The following CLUAP1 variants were observed in gnomAD, a reference collection of about 807,000 sequenced individuals.
CLUAP1 encodes the protein intraflagellar transport 38.
A neutral mutation model predicts 55.0 loss-of-function variants in CLUAP1; 50 were observed. That is an observed-to-expected ratio of 0.91 (90% CI 0.72 to 1.15). CLUAP1 has a LOEUF of 1.15. Among genes scored for constraint, CLUAP1 ranks in the 50% most tolerant of loss-of-function variants. The probability of loss-of-function intolerance (pLI) is 0.00; values close to 1 mark genes in which losing one functional copy is unlikely to be tolerated. For synonymous variants in CLUAP1, 195 were observed against 175.4 expected, an observed-to-expected ratio of 1.11 and a Z score of -0.88; for missense variants, 530 against 507.6, an observed-to-expected ratio of 1.04 and a Z score of -0.42.
At chr16:3,510,315 T>C (rs1447383362) in intron 4 of CLUAP1, among the ~76,000 whole-genome samples, 1 of 149,994 alleles carries the variant, frequency 6.7e-6, no homozygotes, top group African/African-American at 2.5e-5. Context: ...TTTTTTTTTT[T>C]AGCAGAGATG....
In CLUAP1 at chr16:3,538,749, GT is replaced by G. The variant is rs1421920290; in HGVS notation, c.*2479del. 1 of 152,188 alleles carries G rather than the reference GT, an allele frequency of 6.6e-6. No homozygotes were observed. The highest frequency in any genetic ancestry group is 1.5e-5 in the Non-Finnish European group (1 of 68,036). 9.4% of individuals were successfully genotyped at this position (152,188 alleles called of 1,614,324 possible). On this transcript the variant is annotated 3_prime_UTR_variant, in exon 12 of 12. Transcript: ENST00000576634. ...GCCTTGCTTGAGCACGGAAGTTTCTGTCAACAGCAAGCTTTATGTGCTCTAT... is the reference window on the plus strand; with the variant it reads ...GCCTTGCTTGAGCACGGAAGTTTCTGCAACAGCAAGCTTTATGTGCTCTAT...
chr16:3,509,326 C>A (rs1335342032), intron 4 of CLUAP1, among the ~76,000 whole-genome samples: 1 of 152,184 alleles, frequency 6.6e-6, no homozygotes, highest in Admixed American at 6.5e-5. Context: ...GATTGACAGA[C>A]CCTCTGGCGC....
At chr16:3,496,566 T>C, upstream of CLUAP1, 1 of 542,198 alleles carries the variant, frequency 1.8e-6, no homozygotes, top group African/African-American at 1.9e-5. Context: ...GCCAAGATCC[T>C]GACTTTCGAT....
rs74751146 is a variant in CLUAP1 at position 3,508,262 on chromosome 16, CTT to C, written c.220-15_220-14del. On this transcript the variant is annotated intron_variant, in intron 3 of 11. Coordinates refer to ENST00000576634, the MANE Select transcript of CLUAP1 (RefSeq NM_015041.3). ...GACATTACATGGAAAGGGCCTTCAA[CTT>C]TTTTTTTTTTTGGTCTAAAAATAGG... 2.0e-3 allele frequency: 2,649 copies of C among 1,349,234 alleles called. No homozygotes were observed. Among genetic ancestry groups the C allele is most frequent in the Admixed American group, 4.2e-3 (179 of 42,900 alleles). 83.6% of individuals were successfully genotyped at this position (1,349,234 alleles called of 1,614,324 possible).
intron 7 of CLUAP1, among the ~76,000 whole-genome samples, chr16:3,521,759 TAAAA>T (rs1023393027): frequency 1.3e-5 from 2 of 151,088 alleles, no homozygotes; most frequent in African/African-American, 4.9e-5. Context: ...TTTTATCGTT[TAAAA>T]ACCTCTTTAG....
chr16:3,500,830 C>G (rs2037378786), upstream of CLUAP1: 1 of 569,544 alleles, frequency 1.8e-6, no homozygotes, highest in Admixed American at 3.2e-5. Flanking sequence ...AGCTTGCAGC[C>G]CTCATAGACG....
At chr16:3,528,572 G>A (rs1268270082) in intron 9 of CLUAP1, among the ~76,000 whole-genome samples, 2 of 152,150 alleles carry the variant, frequency 1.3e-5, no homozygotes, top group Admixed American at 6.5e-5. Context: ...TTTGTCCCTT[G>A]CGAGAGGCCC....
chr16:3,517,040 A>T (rs1474653847), intron 6 of CLUAP1, among the ~76,000 whole-genome samples: 1 of 152,210 alleles, frequency 6.6e-6, no homozygotes. Flanking sequence ...TTTCACTGGC[A>T]TAAAAAAATA....
At chr16:3,531,953 C>G (rs757324008) in intron 10 of CLUAP1, among the ~76,000 whole-genome samples, 9 of 151,908 alleles carry the variant, frequency 5.9e-5, no homozygotes, top group Non-Finnish European at 1.2e-4. Context: ...GAGCAATTCT[C>G]CTGCAATCCC....
rs1045760035 is a variant in CLUAP1, at chr16:3,503,166, A to G, written c.23-1554A>G. Among the ~76,000 whole-genome samples the G allele has an allele frequency of 1.4e-5, 2 of 147,430 alleles. 1 individual carries two copies. Among genetic ancestry groups the G allele is most frequent in the Admixed American group, 1.3e-4 (2 of 14,886 alleles). On this transcript the variant is annotated intron_variant, in intron 1 of 11. Transcript: ENST00000576634. ...ACTTTTGTATTTTTATTTTTATTTT[A>G]TTCTTTTCTTTTTTTGAGATGGAGT...
chr16:3,513,741 C>T (rs952806753), intron 5 of CLUAP1, among the ~76,000 whole-genome samples: 14 of 152,196 alleles, frequency 9.2e-5, no homozygotes, highest in South Asian at 2.1e-4. Context: ...TGAGCCACTG[C>T]GTCTGGCCTA....
At position 3,520,049 on chromosome 16, in the gene CLUAP1, A is replaced by C. The variant is rs756654834; in HGVS notation, c.713+13A>C. ...TGCAGAGTGTCAGGTAGATATGAAC[A>C]CTTGGAGAATGAGTAGAAAGATGTC... On this transcript the variant is annotated intron_variant, in intron 7 of 11. Coordinates refer to ENST00000576634, the MANE Select transcript of CLUAP1 (RefSeq NM_015041.3). 2 of 1,593,830 alleles carry C rather than the reference A, an allele frequency of 1.3e-6. No homozygotes were observed. The highest frequency in any genetic ancestry group is 1.8e-5 in the Admixed American group (1 of 54,638).
intron 9 of CLUAP1, among the ~76,000 whole-genome samples, chr16:3,529,547 T>TATATTATATATTATATA (rs2038029803): frequency 1.8e-5 from 1 of 54,796 alleles, no homozygotes; most frequent in African/African-American, 8.9e-5. Flanking sequence ...TATATTATTA[T>TATATTATATATTATATA]ATATTATATA....
chr16:3,533,279 TC>T, intron 11 of CLUAP1: 1 of 758,320 alleles, frequency 1.3e-6, no homozygotes, highest in Non-Finnish European at 2.2e-6. Flanking sequence ...TCAAAAGAGA[TC>T]CTGTGGTGAC....
At chr16:3,496,398 G>C (rs1033507352), upstream of CLUAP1, 1 of 1,148,976 alleles carries the variant, frequency 8.7e-7, no homozygotes, top group Non-Finnish European at 1.3e-6. Flanking sequence ...TCCGTTTCCC[G>C]GATGATCCGG....
Position 3,515,609 on chromosome 16 carries a change from T to C in CLUAP1, c.579+18T>C, listed in dbSNP as rs1435126442. ...AGATTTTGGTAAGATGACTTTGCTT[T>C]TATATAATGTTTTTTATGCCTGGGA... On this transcript the variant is annotated intron_variant, in intron 6 of 11. Transcript: ENST00000576634. The C allele has an allele frequency of 6.5e-7, 1 of 1,528,072 alleles. No individual in the cohort carries two copies. The highest frequency in any genetic ancestry group is 8.9e-7 in the Non-Finnish European group (1 of 1,123,350). 94.7% of individuals were successfully genotyped at this position (1,528,072 alleles called of 1,614,324 possible).
At chr16:3,518,943 G>A (rs889201242) in intron 6 of CLUAP1, among the ~76,000 whole-genome samples, 1 of 152,182 alleles carries the variant, frequency 6.6e-6, no homozygotes, top group African/African-American at 2.4e-5. Context: ...TAGGCAAAGA[G>A]CTGGAGGGGA....
chr16:3,497,016 A>T (rs1217559320), upstream of CLUAP1, among the ~76,000 whole-genome samples: 2 of 151,848 alleles, frequency 1.3e-5, no homozygotes, highest in East Asian at 1.9e-4. Flanking sequence ...GATTACAGGC[A>T]CCCACCACCA....
rs9790 is a variant in CLUAP1, at chr16:3,536,230, C to T, written c.1201C>T (p.Arg401Trp). The change falls in exon 12 of 12, where the codon CGG (arginine) becomes TGG (tryptophan). Residue 401 changes from arginine (R) to tryptophan (W), a missense_variant. Transcript: ENST00000576634. ...ACCAACCAAGCCCAATCGAAGGGTC[C>T]GGAAATCTGAACCCCTGGATGAGAG... Reference protein sequence around the residue: ...LSPTKPNRRVRKSEPLDESDN... With the variant: ...LSPTKPNRRVWKSEPLDESDN... 313,978 of 1,613,740 alleles carry T rather than the reference C, an allele frequency of 0.19. 32,364 individuals carry two copies. The highest frequency in any genetic ancestry group is 0.27 in the South Asian group (24,816 of 91,042).
Sources: gnomAD v4.1 joint callset for allele counts (sites outside exome capture counted in the v4.1 genomes callset) on GRCh38, gnomAD v4.1.1 for gene constraint, MANE v1.5 for transcripts, NCBI Gene and HGNC (gene_info 2026-07-23, HGNC 2026-07-21) for gene names.